The following PLIN5 variants were observed in gnomAD, a reference collection of about 807,000 sequenced individuals.
PLIN5 encodes the protein perilipin 5.
Under a neutral mutation model 32.8 loss-of-function variants are expected in PLIN5, and 34 were observed. The observed-to-expected ratio is 1.04, with a 90% CI of 0.79 to 1.38. The LOEUF (loss-of-function observed/expected upper bound fraction) is 1.38, where lower values mean the gene tolerates loss of function less well. Among genes scored for constraint, PLIN5 ranks in the 40% most tolerant of loss-of-function variants. The probability of loss-of-function intolerance (pLI) is 0.00; values close to 1 mark genes in which losing one functional copy is unlikely to be tolerated. For missense variants in PLIN5, 712 were observed against 660.5 expected, an observed-to-expected ratio of 1.08 and a Z score of -0.85; for synonymous variants, 309 against 292.9, an observed-to-expected ratio of 1.05 and a Z score of -0.56.
chr19:4,529,475 CATATAT>C, intron 4 of PLIN5: 2 of 567,042 alleles, frequency 3.5e-6, no homozygotes, highest in South Asian at 4.8e-5. Flanking sequence ...CATACATATA[CATATAT>C]ACACATATAC....
rs779067084 is a variant in PLIN5, at chr19:4,523,629, C to CCCCATT, written c.1285_1290dup (p.Asn429_Gly430dup). 1.8e-3 allele frequency: 2,888 copies of CCCCATT among 1,611,730 alleles called. 5 individuals carry two copies. The highest frequency in any genetic ancestry group is 2.3e-3 in the Non-Finnish European group (2,739 of 1,179,570). On this transcript the variant is annotated inframe_insertion, in exon 8 of 8. Coordinates refer to ENST00000381848, the MANE Select transcript of PLIN5 (RefSeq NM_001013706.3). The surrounding 1 kb of genome is among the most constrained non-coding windows in gnomAD (Gnocchi z 5.0). ...CCGGCAACACCCATCCTGTCCCCAT[C>CCCCATT]CCCATTCCCACTCCCGTCCCTGTGC...
chr19:4,528,422 T>G (rs994039721), intron 5 of PLIN5: 1 of 152,092 alleles, frequency 6.6e-6, no homozygotes, highest in African/African-American at 2.4e-5. Context: ...TCTTTTTTTT[T>G]TTTTGAAACG....
rs1976920052 is a variant in PLIN5, at chr19:4,534,110, T to C, written c.-21-15A>G. The C allele has an allele frequency of 6.3e-7, 1 of 1,598,110 alleles. No individual in the cohort carries two copies. Among genetic ancestry groups the C allele is most frequent in the African/African-American group, 1.3e-5 (1 of 74,552 alleles). ...ACAGGGTCACCCTGCGGGGCAGGAT[T>C]GAGTAAGGGGAGCACCTGCCCAGGC... On this transcript the variant is annotated splice_polypyrimidine_tract_variant and intron_variant, in intron 1 of 7. Coordinates refer to ENST00000381848, the MANE Select transcript of PLIN5 (RefSeq NM_001013706.3).
At chr19:4,527,844 CT>C (rs1256431902) in intron 5 of PLIN5, among the ~76,000 whole-genome samples, 15 of 150,176 alleles carry the variant, frequency 1.0e-4, no homozygotes, top group African/African-American at 7.3e-5. Flanking sequence ...GAGATTCTGT[CT>C]CAAAAAAAAA....
chr19:4,529,049 T>G, intron 5 of PLIN5, 24 bp downstream of exon 5: 1 of 1,607,086 alleles, frequency 6.2e-7, no homozygotes, highest in East Asian at 2.2e-5. Context: ...ACTCAGGGGT[T>G]AGGGTTGAGG....
At position 4,533,880 on chromosome 19, in the gene PLIN5, A is replaced by T. The variant is rs769298567; in HGVS notation, c.60+135T>A. 234 of 1,047,742 alleles carry T rather than the reference A, an allele frequency of 2.2e-4. No homozygotes were observed. In the East Asian group the frequency reaches 6.1e-3, roughly 27 times the overall value. The allele number at this position is 1,047,742 out of a possible 1,614,324, so 64.9% of individuals were successfully genotyped here. A position where few individuals can be genotyped will look rare whatever the true frequency, so the allele number is the denominator to read the frequency against. On this transcript the variant is annotated intron_variant, in intron 2 of 7. Transcript: ENST00000381848. ...AGGAAATAGACCATCCCCTCCATGG[A>T]CCAAAATATTTTATGACTCAGGTTT...
intron 1 of PLIN5, 48 bp from the exon 2 acceptor site, chr19:4,534,143 C>A (rs1434420916): frequency 6.5e-7 from 1 of 1,527,762 alleles, no homozygotes; most frequent in Non-Finnish European, 8.9e-7. Context: ...GGCATCAGAT[C>A]CTGTCAAATT....
At chr19:4,524,162 A>AC in intron 7 of PLIN5, 77 bp from the exon 8 acceptor site, 1 of 1,333,922 alleles carries the variant, frequency 7.5e-7, no homozygotes, top group Non-Finnish European at 9.7e-7. Flanking sequence ...TCTCTGATGG[A>AC]CCCACAGTGG....
At chr19:4,534,299 G>T in intron 1 of PLIN5, 2 of 582,252 alleles carry the variant, frequency 3.4e-6, no homozygotes, top group Non-Finnish European at 6.1e-6. Flanking sequence ...GGCAAGGTAG[G>T]GTTGCCGGAG....
At position 4,525,209 on chromosome 19, in the gene PLIN5, G is replaced by A. The variant is rs59226014; in HGVS notation, c.721-133C>T. On this transcript the variant is annotated intron_variant, in intron 6 of 7. Coordinates refer to ENST00000381848, the MANE Select transcript of PLIN5 (RefSeq NM_001013706.3). The surrounding 1 kb of genome is among the most constrained non-coding windows in gnomAD (Gnocchi z 5.6). ...CGAGGCAGGTTGTGCAGGGCCGTGG[G>A]GAAGACTTGGGCTTGGACCCCAAGG... is the stretch of plus-strand genomic sequence containing the variant. The A allele has an allele frequency of 4.2e-5, 25 of 593,982 alleles. No individual in the cohort carries two copies. The African/African-American group carries it at 4.4e-4, about 10-fold the overall frequency. The allele number at this position is 593,982 out of a possible 1,614,324, so 36.8% of individuals were successfully genotyped here.
Position 4,534,058 on chromosome 19 carries a change from G to T in PLIN5, c.17C>A (p.Ala6Glu), listed in dbSNP as rs10407239. The T allele has an allele frequency of 6.2e-7, 1 of 1,613,104 alleles. No homozygotes were observed. The highest frequency in any genetic ancestry group is 8.5e-7 in the Non-Finnish European group (1 of 1,179,630). ...CACACTGGATCTGGGGATCTGAGCCGCCTCTTCTTCAGACATCGTGCTGCA... is the reference window on the plus strand; with the variant it reads ...CACACTGGATCTGGGGATCTGAGCCTCCTCTTCTTCAGACATCGTGCTGCA... MSEEE[A>E]AQIPRSSVWE... The change falls in exon 2 of 8, where the codon GCG becomes GAG. Residue 6 changes from alanine to glutamate, a missense_variant. Coordinates refer to ENST00000381848, the MANE Select transcript of PLIN5 (RefSeq NM_001013706.3).
intron 7 of PLIN5, among the ~76,000 whole-genome samples, chr19:4,524,723 A>G (rs1976777408): frequency 6.6e-6 from 1 of 151,774 alleles, no homozygotes; most frequent in Non-Finnish European, 1.5e-5. Flanking sequence ...AAAAATAAAT[A>G]AATAATAAAA....
At chr19:4,533,583 T>G (rs1314660779) in intron 2 of PLIN5, 2 of 287,568 alleles carry the variant, frequency 7.0e-6, no homozygotes, top group Non-Finnish European at 1.3e-5. Context: ...TCGGTGCCTT[T>G]GTTTCCCCAT....
chr19:4,524,001 C>CCCGCA lies in PLIN5; in HGVS notation c.914_918dup (p.Gly307CysfsTer153). 6.6e-7 allele frequency: 1 copy of CCCGCA among 1,521,498 alleles called. No individual in the cohort carries two copies. The highest frequency in any genetic ancestry group is 8.8e-7 in the Non-Finnish European group (1 of 1,142,182). The allele number at this position is 1,521,498 out of a possible 1,614,324, so 94.2% of individuals were successfully genotyped here. On this transcript the variant is annotated frameshift_variant, in exon 8 of 8. Coordinates refer to ENST00000381848, the MANE Select transcript of PLIN5 (RefSeq NM_001013706.3). LOFTEE classifies it low-confidence loss of function (END_TRUNC). ...TTCTCCTGGGCGCCGGCGGGCAGGCCCCGCACGCTGGACTCCAGAGCCTCT... is the reference window on the plus strand; with the variant it reads ...TTCTCCTGGGCGCCGGCGGGCAGGCCCCGCACCGCACGCTGGACTCCAGAGCCTCT...
In PLIN5 at chr19:4,525,935, G is replaced by T. The variant is rs917278669; in HGVS notation, c.521-103C>A. On this transcript the variant is annotated intron_variant, in intron 5 of 7. Transcript: ENST00000381848. The surrounding 1 kb of genome is among the most constrained non-coding windows in gnomAD (Gnocchi z 5.6). Reference sequence around the variant, plus strand: ...GGACAGGATACGGGGACAGCACGGGGACAGGATACGGGGACAGCACGGGGA... The same window carrying T: ...GGACAGGATACGGGGACAGCACGGGTACAGGATACGGGGACAGCACGGGGA... 1 of 622,614 alleles carries T rather than the reference G, an allele frequency of 1.6e-6. No homozygotes were observed. The highest frequency in any genetic ancestry group is 2.4e-5 in the African/African-American group (1 of 41,002). 38.6% of individuals were successfully genotyped at this position (622,614 alleles called of 1,614,324 possible). A position where few individuals can be genotyped will look rare whatever the true frequency, so the allele number is the denominator to read the frequency against.
Position 4,531,646 on chromosome 19 carries a change from G to C in PLIN5, c.237C>G (p.Leu79=), listed in dbSNP as rs138772557. 1.8e-5 allele frequency: 28 copies of C among 1,527,348 alleles called. No individual in the cohort carries two copies. In the South Asian group the frequency reaches 3.3e-4, roughly 18 times the overall value. The allele number at this position is 1,527,348 out of a possible 1,614,324, so 94.6% of individuals were successfully genotyped here. ...ACTCACGCTGGGGCTGCAGGTGCTC[G>C]AGCAGCGGCTGGGCGTGGTCCAGGG... ...TRALDHAQPL[L]EHLQPQLATM... is the part of the protein sequence containing the mutation. The change falls in exon 3 of 8, where the codon CTC becomes CTG. Residue 79 remains leucine (L), a synonymous_variant. Transcript: ENST00000381848.
Position 4,531,840 on chromosome 19 carries a change from A to G in PLIN5, c.61-18T>C, listed in dbSNP as rs963348975. 1.3e-6 allele frequency: 2 copies of G among 1,519,098 alleles called. No homozygotes were observed. Among genetic ancestry groups the G allele is most frequent in the African/African-American group, 1.4e-5 (1 of 72,832 alleles). The allele number at this position is 1,519,098 out of a possible 1,614,324, so 94.1% of individuals were successfully genotyped here. On this transcript the variant is annotated intron_variant, in intron 2 of 7. Transcript: ENST00000381848. ...ACCACGTTCTGCGGGAAGGGTCGGC[A>G]TCAGGGGGACCCTGGGGGAAGTGGG... is the stretch of plus-strand genomic sequence containing the variant.
Position 4,529,795 on chromosome 19 carries a change from G to T in PLIN5, c.328C>A (p.Pro110Thr), listed in dbSNP as rs200836591. Residue 110 changes from proline to threonine, a missense_variant, in exon 4 of 8, where the codon CCT becomes ACT. Transcript: ENST00000381848. ...GTCGTCCGGGGTACCGTCTCCGAAG[G>T]TTGCTGGAGAAAGGGAAGCTTCTCT... ...LEEKLPFLQQ[P>T]SETVVTSAKD... 5.2e-5 allele frequency: 84 copies of T among 1,611,716 alleles called. No individual in the cohort carries two copies. Among genetic ancestry groups the T allele is most frequent in the African/African-American group, 8.0e-5 (6 of 74,950 alleles).
rs183348942 is a variant in PLIN5, at chr19:4,524,278, G to A, written c.835-193C>T. On this transcript the variant is annotated intron_variant, in intron 7 of 7. Transcript: ENST00000381848. ...TCATAAACACACAATGGGGCCGGTC[G>A]CGGTGGCTCACGCCTGTAATCCCAG... Among the ~76,000 whole-genome samples, 906 of 152,262 alleles carry A rather than the reference G, an allele frequency of 6.0e-3. 4 individuals carry two copies. The highest frequency in any genetic ancestry group is 0.018 in the South Asian group (88 of 4,822).
Sources: gnomAD v4.1 joint callset for allele counts (sites outside exome capture counted in the v4.1 genomes callset) on GRCh38, gnomAD v4.1.1 for gene constraint, Gnocchi (gnomAD v3.1) non-coding constraint, MANE v1.5 for transcripts, NCBI Gene and HGNC (gene_info 2026-07-23, HGNC 2026-07-21) for gene names.